The following CTNND2 variants were observed in gnomAD, a reference collection of about 807,000 sequenced individuals.
CTNND2 encodes the protein catenin delta-2.
Under a neutral mutation model 144.4 loss-of-function variants are expected in CTNND2, and 22 were observed. The observed-to-expected ratio is 0.15, with a 90% CI of 0.11 to 0.22. The LOEUF (loss-of-function observed/expected upper bound fraction) is 0.22. Among genes scored for constraint, CTNND2 ranks in the 10% least tolerant of loss-of-function variants. CTNND2 has a pLI of 1.00. For synonymous variants in CTNND2, 751 were observed against 695.6 expected (o/e 1.08, Z -1.25); for missense variants, 1,353 against 1,618.8 (o/e 0.84, Z 2.82).
At chr5:11,460,849 A>C (rs1246822480) in intron 3 of CTNND2, among the ~76,000 whole-genome samples, 1 of 152,082 alleles carries the variant, frequency 6.6e-6, no homozygotes, top group South Asian at 2.1e-4. Flanking sequence ...CAAGAAATCA[A>C]GACCATACTG....
At position 11,805,536 on chromosome 5, in the gene CTNND2, C is replaced by CAATGAATGAATGAATG. The variant is rs35946880; in HGVS notation, c.38-73280_38-73265dup. On this transcript the variant is annotated intron_variant, in intron 1 of 21. Transcript: ENST00000304623. Reference sequence around the variant, plus strand: ...AAGGAAGTACAAATAAATAAATGAACAATGAATGAATGAATGAATGAATGG... The same window carrying CAATGAATGAATGAATG: ...AAGGAAGTACAAATAAATAAATGAACAATGAATGAATGAATGAATGAATGAATGAATGAATGAATGG... Among the ~76,000 whole-genome samples the CAATGAATGAATGAATG allele has an allele frequency of 3.3e-5, 5 of 151,622 alleles. No homozygotes were observed. The East Asian group carries it at 9.7e-4, about 29-fold the overall frequency.
In CTNND2 at chr5:11,847,951, T is replaced by C. The variant is rs112510290; in HGVS notation, c.37+55866A>G. On this transcript the variant is annotated intron_variant, in intron 1 of 21. Transcript: ENST00000304623. ...AATCTTTCAATAACAATGGCAATTA[T>C]GTTAAAAACTGGACGGCGTTTAGAA... Among the ~76,000 whole-genome samples the C allele has an allele frequency of 4.8e-3, 736 of 152,196 alleles. 9 individuals are homozygous for C. Among genetic ancestry groups the C allele is most frequent in the African/African-American group, 0.017 (716 of 41,550 alleles).
intron 3 of CTNND2, among the ~76,000 whole-genome samples, chr5:11,493,622 C>T (rs1326108827): frequency 6.6e-6 from 1 of 152,154 alleles, no homozygotes; most frequent in Non-Finnish European, 1.5e-5. Context: ...GTCATGTATA[C>T]TGGGCTGTGA....
chr5:11,483,080 G>C (rs1768440421), intron 3 of CTNND2, among the ~76,000 whole-genome samples: 1 of 152,088 alleles, frequency 6.6e-6, no homozygotes, highest in African/African-American at 2.4e-5. Context: ...AGGTGATTTT[G>C]CTCCTATCAA....
chr5:11,413,373 T>C (rs1340305262), intron 3 of CTNND2, among the ~76,000 whole-genome samples: 7 of 152,212 alleles, frequency 4.6e-5, no homozygotes, highest in African/African-American at 7.2e-5. Context: ...AGTAGTCCCA[T>C]CTTATTATTC....
intron 11 of CTNND2, among the ~76,000 whole-genome samples, chr5:11,193,545 C>T (rs1736553821): frequency 6.6e-6 from 1 of 152,100 alleles, no homozygotes; most frequent in Non-Finnish European, 1.5e-5. Context: ...AATTTTAAAT[C>T]TTGGGAACAT....
intron 1 of CTNND2, among the ~76,000 whole-genome samples, chr5:11,866,838 T>C (rs578229170): frequency 6.6e-6 from 1 of 152,284 alleles, no homozygotes; most frequent in East Asian, 1.9e-4. Context: ...ATAATGGCAT[T>C]CTCTTCTGTG....
intron 16 of CTNND2, among the ~76,000 whole-genome samples, chr5:11,023,351 C>A (rs1404894767): frequency 6.6e-6 from 1 of 152,138 alleles, no homozygotes; most frequent in African/African-American, 2.4e-5. Context: ...ACACAGGACT[C>A]CATAGGTATT....
At chr5:11,681,310 C>G (rs1461420071) in intron 2 of CTNND2, among the ~76,000 whole-genome samples, 1 of 152,188 alleles carries the variant, frequency 6.6e-6, no homozygotes, top group East Asian at 1.9e-4. Context: ...CCACAGCTGA[C>G]ACTCCAGAAG....
rs1027303015 is a variant in CTNND2, at chr5:11,579,877, G to A, written c.175-14821C>T. On this transcript the variant is annotated intron_variant, in intron 2 of 21. Coordinates refer to ENST00000304623, the MANE Select transcript of CTNND2 (RefSeq NM_001332.4). ...GATCACCACTGGCCTCCCCGGCTGCGGCGTCCAGCAGCAAGCTATGCATCA... is the reference window on the plus strand; with the variant it reads ...GATCACCACTGGCCTCCCCGGCTGCAGCGTCCAGCAGCAAGCTATGCATCA... Among the ~76,000 whole-genome samples the A allele has an allele frequency of 3.3e-4, 50 of 152,148 alleles. 1 individual carries two copies. The highest frequency in any genetic ancestry group is 8.8e-5 in the Non-Finnish European group (6 of 68,034).
At chr5:11,652,316 T>C (rs1201950653) in intron 2 of CTNND2, among the ~76,000 whole-genome samples, 1 of 152,182 alleles carries the variant, frequency 6.6e-6, no homozygotes, top group Non-Finnish European at 1.5e-5. Flanking sequence ...GTCATAATTA[T>C]AAGTTTCATG....
Position 11,740,150 on chromosome 5 carries a change from A to G in CTNND2, c.38-7878T>C, listed in dbSNP as rs1581803512. 3.3e-5 allele frequency among the ~76,000 whole-genome samples: 5 copies of G among 152,360 alleles called. No individual in the cohort carries two copies. In the East Asian group the frequency reaches 7.7e-4, roughly 24 times the overall value. On this transcript the variant is annotated intron_variant, in intron 1 of 21. Coordinates refer to ENST00000304623, the MANE Select transcript of CTNND2 (RefSeq NM_001332.4). ...TATAGATTCAATGCCCTCCCCATCAAGCTACCAATTACTTTCTTCACAGAA... is the reference window on the plus strand; with the variant it reads ...TATAGATTCAATGCCCTCCCCATCAGGCTACCAATTACTTTCTTCACAGAA...
intron 1 of CTNND2, among the ~76,000 whole-genome samples, chr5:11,880,830 T>C (rs1398922435): frequency 8.2e-6 from 1 of 122,676 alleles, no homozygotes; most frequent in African/African-American, 3.2e-5. Flanking sequence ...GTACTACCAC[T>C]ACTACCACTA....
At chr5:11,113,530 CT>C (rs771256734) in intron 13 of CTNND2, among the ~76,000 whole-genome samples, 3 of 152,078 alleles carry the variant, frequency 2.0e-5, no homozygotes, top group Non-Finnish European at 4.4e-5. Context: ...CAAAGCTGAC[CT>C]TTTGACTACA....
chr5:11,537,475 G>A (rs893188280), intron 3 of CTNND2, among the ~76,000 whole-genome samples: 4 of 151,942 alleles, frequency 2.6e-5, no homozygotes, highest in African/African-American at 9.7e-5. Flanking sequence ...TATATACATC[G>A]TTCAACTCAT....
chr5:11,180,900 C>T (rs1039813659), intron 11 of CTNND2, among the ~76,000 whole-genome samples: 4 of 152,218 alleles, frequency 2.6e-5, no homozygotes, highest in African/African-American at 9.6e-5. Flanking sequence ...CTTCAGAGTT[C>T]AGACAGGGCT....
intron 3 of CTNND2, among the ~76,000 whole-genome samples, chr5:11,463,130 T>C (rs10513092): frequency 0.033 from 5,067 of 152,340 alleles, 284 homozygotes; most frequent in African/African-American, 0.12. Context: ...ATATTGCTTC[T>C]GGCTAACTTA....
intron 10 of CTNND2, among the ~76,000 whole-genome samples, chr5:11,199,971 A>G (rs1457257819): frequency 6.6e-6 from 1 of 152,216 alleles, no homozygotes. Context: ...CTCATGGATG[A>G]AGCACATGAA....
At chr5:11,757,303 G>A (rs1789005736) in intron 1 of CTNND2, among the ~76,000 whole-genome samples, 1 of 151,600 alleles carries the variant, frequency 6.6e-6, no homozygotes, top group Non-Finnish European at 1.5e-5. Flanking sequence ...TTATCATGTT[G>A]TTTAAATCTG....
Sources: gnomAD v4.1 joint callset for allele counts (sites outside exome capture counted in the v4.1 genomes callset) on GRCh38, gnomAD v4.1.1 for gene constraint, MANE v1.5 for transcripts, NCBI Gene and HGNC (gene_info 2026-07-23, HGNC 2026-07-21) for gene names.